The following LYPD6 variants were observed in gnomAD, a reference collection of about 807,000 sequenced individuals.
LYPD6 encodes LY6/PLAUR domain containing 6.
LYPD6 carries 15 observed loss-of-function variants against 22.7 expected under a neutral mutation model. The ratio of observed to expected loss-of-function variants is 0.66; its 90% CI spans 0.44 to 1.02. The LOEUF (loss-of-function observed/expected upper bound fraction) is 1.02. Among genes scored for constraint, LYPD6 ranks in the 50% least tolerant of loss-of-function variants. LYPD6 has a pLI of 0.00. For synonymous variants in LYPD6, 72 were observed against 77.5 expected (o/e 0.93, Z 0.37); for missense variants, 189 against 208.4 (o/e 0.91, Z 0.57).
chr2:149,342,365 A>G (rs911839519), intron 1 of LYPD6, among the ~76,000 whole-genome samples: 3 of 152,212 alleles, frequency 2.0e-5, no homozygotes, highest in Non-Finnish European at 4.4e-5. Flanking sequence ...TAAGGAAGAA[A>G]ATAATCATTC....
intron 1 of LYPD6, among the ~76,000 whole-genome samples, chr2:149,431,183 A>T (rs1031323584): frequency 2.0e-5 from 3 of 152,222 alleles, no homozygotes. Flanking sequence ...AACTGTGAAA[A>T]TGAGAGTGTA....
At chr2:149,406,832 G>A (rs2105116605) in intron 1 of LYPD6, among the ~76,000 whole-genome samples, 1 of 152,322 alleles carries the variant, frequency 6.6e-6, no homozygotes, top group African/African-American at 2.4e-5. Flanking sequence ...TAGCCTCAAT[G>A]GTCTTTACAA....
intron 1 of LYPD6, among the ~76,000 whole-genome samples, chr2:149,391,383 G>A (rs1276453367): frequency 5.3e-5 from 8 of 151,930 alleles, no homozygotes; most frequent in Admixed American, 2.0e-4. Flanking sequence ...CCCCGATAAT[G>A]GAGAAAACTT....
chr2:149,425,955 T>C (rs943672023), intron 1 of LYPD6, among the ~76,000 whole-genome samples: 1 of 152,248 alleles, frequency 6.6e-6, no homozygotes, highest in African/African-American at 2.4e-5. Flanking sequence ...GCTGAAGGTA[T>C]TAATCACAGA....
intron 1 of LYPD6, among the ~76,000 whole-genome samples, chr2:149,432,655 A>G (rs1683342204): frequency 6.6e-6 from 1 of 152,170 alleles, no homozygotes; most frequent in Non-Finnish European, 1.5e-5. Flanking sequence ...TGAGGTGGTG[A>G]GCAGCATAGT....
intron 1 of LYPD6, among the ~76,000 whole-genome samples, chr2:149,350,967 C>T (rs1190538824): frequency 6.6e-6 from 1 of 152,196 alleles, no homozygotes; most frequent in Non-Finnish European, 1.5e-5. Flanking sequence ...GGACGGTATA[C>T]AGGACTTTTT....
intron 1 of LYPD6, among the ~76,000 whole-genome samples, chr2:149,334,528 A>G (rs779698073): frequency 6.6e-6 from 1 of 152,222 alleles, no homozygotes; most frequent in African/African-American, 2.4e-5. Flanking sequence ...CAGACTAATT[A>G]CAGATAAATC....
At chr2:149,397,875 T>C (rs1241858096) in intron 1 of LYPD6, among the ~76,000 whole-genome samples, 1 of 152,128 alleles carries the variant, frequency 6.6e-6, no homozygotes, top group African/African-American at 2.4e-5. Context: ...TCACCACTTA[T>C]TAACAGACCT....
intron 1 of LYPD6, among the ~76,000 whole-genome samples, chr2:149,397,174 A>G (rs1363106967): frequency 6.6e-6 from 1 of 152,186 alleles, no homozygotes; most frequent in Non-Finnish European, 1.5e-5. Flanking sequence ...TGTGACAACT[A>G]TGTATTATTA....
At chr2:149,411,099 A>G (rs1033376584) in intron 1 of LYPD6, among the ~76,000 whole-genome samples, 2 of 152,200 alleles carry the variant, frequency 1.3e-5, no homozygotes, top group Admixed American at 1.3e-4. Context: ...CATCAGCATC[A>G]TCTAGGAAAC....
intron 1 of LYPD6, among the ~76,000 whole-genome samples, chr2:149,361,900 G>T (rs1559124517): frequency 6.6e-6 from 1 of 152,100 alleles, no homozygotes; most frequent in Non-Finnish European, 1.5e-5. Flanking sequence ...TTGGGGCAGA[G>T]AAGATGATGT....
chr2:149,431,250 G>A (rs1279064408), intron 1 of LYPD6, among the ~76,000 whole-genome samples: 1 of 152,172 alleles, frequency 6.6e-6, no homozygotes, highest in African/African-American at 2.4e-5. Flanking sequence ...TATTCAAATA[G>A]CAGCATCATA....
At chr2:149,477,474 T>G (rs996998965), downstream of LYPD6, among the ~76,000 whole-genome samples, 1 of 151,662 alleles carries the variant, frequency 6.6e-6, no homozygotes, top group African/African-American at 2.4e-5. Context: ...AAAACAAAAA[T>G]TAGCCAGACG....
At chr2:149,404,680 CAG>C (rs1290561269) in intron 1 of LYPD6, among the ~76,000 whole-genome samples, 4 of 152,196 alleles carry the variant, frequency 2.6e-5, no homozygotes, top group African/African-American at 9.7e-5. Context: ...CGTCTGCAAA[CAG>C]GGACAATTTG....
chr2:149,402,910 G>A (rs186782879), intron 1 of LYPD6, among the ~76,000 whole-genome samples: 2 of 134,960 alleles, frequency 1.5e-5, no homozygotes, highest in Non-Finnish European at 3.0e-5. Context: ...TCCCCAAAGT[G>A]TGATGTTCCC....
intron 1 of LYPD6, among the ~76,000 whole-genome samples, chr2:149,403,691 A>G (rs1682618945): frequency 1.3e-5 from 2 of 151,264 alleles, no homozygotes; most frequent in South Asian, 4.2e-4. Flanking sequence ...TTGCCTGTTC[A>G]CTCTGATGGT....
intron 1 of LYPD6, among the ~76,000 whole-genome samples, chr2:149,363,800 A>G (rs1371372178): frequency 6.6e-6 from 1 of 152,102 alleles, no homozygotes; most frequent in Non-Finnish European, 1.5e-5. Flanking sequence ...GATCTTTTGC[A>G]GATTTCCTCA....
intron 1 of LYPD6, among the ~76,000 whole-genome samples, chr2:149,366,901 CAT>C (rs1455537264): frequency 1.3e-5 from 2 of 152,146 alleles, no homozygotes; most frequent in Non-Finnish European, 2.9e-5. Context: ...TACACACTGT[CAT>C]GTGTGATTCT....
rs565793252 is a variant in LYPD6, at chr2:149,359,817, A to G, written c.-72+29095A>G. Among the ~76,000 whole-genome samples the G allele has an allele frequency of 7.9e-5, 12 of 152,302 alleles. No individual in the cohort carries two copies. The South Asian group carries it at 2.1e-3, about 26-fold the overall frequency. ...CCTCTATTACTAGAAAGGGATCCCAATCCAGACCCCAAGAGAGGGTTCCTG... is the reference window on the plus strand; with the variant it reads ...CCTCTATTACTAGAAAGGGATCCCAGTCCAGACCCCAAGAGAGGGTTCCTG... On this transcript the variant is annotated intron_variant, in intron 1 of 4. Coordinates refer to ENST00000334166, the MANE Select transcript of LYPD6 (RefSeq NM_194317.5).
Sources: gnomAD v4.1 joint callset for allele counts (sites outside exome capture counted in the v4.1 genomes callset) on GRCh38, gnomAD v4.1.1 for gene constraint, MANE v1.5 for transcripts, NCBI Gene and HGNC (gene_info 2026-07-23, HGNC 2026-07-21) for gene names.